DYM: variants seen among roughly 807,000 people sequenced by gnomAD.
DYM encodes dyggve-Melchior-Clausen syndrome protein.
Under a neutral mutation model 93.1 loss-of-function variants are expected in DYM, and 78 were observed. The ratio of observed to expected loss-of-function variants is 0.84; its 90% CI spans 0.70 to 1.01. The LOEUF is 1.01. Among genes scored for constraint, DYM ranks in the 50% least tolerant of loss-of-function variants. DYM has a pLI of 0.00. For synonymous variants in DYM, 321 were observed against 319.7 expected (o/e 1.00, Z -0.04); for missense variants, 789 against 845.0 (o/e 0.93, Z 0.82).
At position 49,285,846 on chromosome 18, in the gene DYM, C is replaced by T. The variant is rs1290472492; in HGVS notation, c.946+588G>A. Among the ~76,000 whole-genome samples the T allele has an allele frequency of 2.0e-5, 3 of 152,162 alleles. No individual in the cohort carries two copies. The East Asian group carries it at 5.8e-4, about 29-fold the overall frequency. ...CCTTCTACTTTAGGAGTTATTAATACCAAGTTACACAGCTCATGGGCAGCC... is the reference window on the plus strand; with the variant it reads ...CCTTCTACTTTAGGAGTTATTAATATCAAGTTACACAGCTCATGGGCAGCC... On this transcript the variant is annotated intron_variant, in intron 9 of 17. Coordinates refer to ENST00000675505, the MANE Select transcript of DYM (RefSeq NM_001353214.3).
At chr18:49,388,456 A>T (rs991388280) in intron 3 of DYM, among the ~76,000 whole-genome samples, 4 of 152,118 alleles carry the variant, frequency 2.6e-5, no homozygotes, top group Non-Finnish European at 5.9e-5. Context: ...TAACAAGTAT[A>T]TGGGACACAA....
chr18:49,217,683 C>A (rs542487608), intron 13 of DYM, among the ~76,000 whole-genome samples: 277 of 152,208 alleles, frequency 1.8e-3, no homozygotes, highest in African/African-American at 6.4e-3. Context: ...GAAATAAAAT[C>A]CTTTACAGAC....
chr18:49,100,048 C>T (rs926416867), intron 16 of DYM, among the ~76,000 whole-genome samples: 7 of 152,106 alleles, frequency 4.6e-5, no homozygotes, highest in African/African-American at 1.7e-4. Flanking sequence ...AACAGGTGAG[C>T]GCATGTATGC....
intron 6 of DYM, among the ~76,000 whole-genome samples, chr18:49,335,994 T>G (rs1421211720): frequency 6.6e-6 from 1 of 152,048 alleles, no homozygotes; most frequent in Non-Finnish European, 1.5e-5. Context: ...TTGTCTTTTT[T>G]ACAAAGAGGG....
At chr18:49,420,371 G>A (rs186167164) in intron 2 of DYM, among the ~76,000 whole-genome samples, 195 of 151,966 alleles carry the variant, frequency 1.3e-3, no homozygotes, top group Admixed American at 2.4e-3. Flanking sequence ...GTTTCACCAC[G>A]TTGACCAGGC....
intron 14 of DYM, among the ~76,000 whole-genome samples, chr18:49,175,435 A>T (rs1456464654): frequency 6.6e-6 from 1 of 152,216 alleles, no homozygotes; most frequent in Non-Finnish European, 1.5e-5. Context: ...TACTAAGAAC[A>T]CTGACATTTA....
chr18:49,167,897 G>C (rs1447035738), intron 14 of DYM, among the ~76,000 whole-genome samples: 1 of 151,960 alleles, frequency 6.6e-6, no homozygotes, highest in Non-Finnish European at 1.5e-5. Flanking sequence ...CACTAATCAA[G>C]AACAGAATGG....
rs1015554392 is a variant in DYM, at chr18:49,042,998, A to G, written c.*1057T>C. The G allele has an allele frequency of 2.6e-5, 4 of 152,252 alleles. No individual in the cohort carries two copies. The highest frequency in any genetic ancestry group is 4.8e-5 in the African/African-American group (2 of 41,470). The allele number at this position is 152,252 out of a possible 1,614,324, so 9.4% of individuals were successfully genotyped here. On this transcript the variant is annotated 3_prime_UTR_variant, in exon 18 of 18. Transcript: ENST00000675505. ...TCAAATGAAGCTTTTCTTTTTCCCA[A>G]TGATTAATACAGAGTAGATTAACTT...
chr18:49,231,681 A>G (rs2093699415), intron 13 of DYM, among the ~76,000 whole-genome samples: 1 of 152,204 alleles, frequency 6.6e-6, no homozygotes, highest in African/African-American at 2.4e-5. Flanking sequence ...AATAAAGTGG[A>G]GTGGATCTAC....
At position 49,454,997 on chromosome 18, in the gene DYM, C is replaced by T. The variant is rs1220306382; in HGVS notation, c.-54+5401G>A. Among the ~76,000 whole-genome samples the T allele has an allele frequency of 2.0e-5, 3 of 151,774 alleles. No homozygotes were observed. In the East Asian group the frequency reaches 5.8e-4, roughly 29 times the overall value. ...TCTCTCTCTCTCAAGGAGCTGCTCT[C>T]CTCTCTCCTTTCTTCTATTAGACTT... On this transcript the variant is annotated intron_variant, in intron 1 of 17. Coordinates refer to ENST00000675505, the MANE Select transcript of DYM (RefSeq NM_001353214.3).
At position 49,370,131 on chromosome 18, in the gene DYM, A is replaced by T. The variant is rs552644491; in HGVS notation, c.422-6898T>A. The stretch of plus-strand genomic sequence containing the variant: ...CGTCTCTACTAAAAATACAAAAATC[A>T]GCTGGGCATGGTGGCCCACGCCTGT... On this transcript the variant is annotated intron_variant, in intron 5 of 17. Transcript: ENST00000675505. 1.1e-4 allele frequency among the ~76,000 whole-genome samples: 16 copies of T among 152,152 alleles called. No individual in the cohort carries two copies. The South Asian group carries it at 3.3e-3, about 32-fold the overall frequency.
intron 16 of DYM, among the ~76,000 whole-genome samples, chr18:49,113,388 A>G (rs1599845420): frequency 6.6e-6 from 1 of 152,346 alleles, no homozygotes; most frequent in East Asian, 1.9e-4. Flanking sequence ...CAGCCTGATC[A>G]TATCACCTTA....
At chr18:49,424,896 A>T (rs1427933098) in intron 2 of DYM, among the ~76,000 whole-genome samples, 1 of 152,184 alleles carries the variant, frequency 6.6e-6, no homozygotes, top group Admixed American at 6.6e-5. Context: ...ATAAAAGAGG[A>T]CACAAACAAA....
At chr18:49,351,090 A>T (rs1396780835) in intron 6 of DYM, among the ~76,000 whole-genome samples, 3 of 152,176 alleles carry the variant, frequency 2.0e-5, no homozygotes, top group Non-Finnish European at 4.4e-5. Flanking sequence ...TACAAAGTCC[A>T]GTATCTGACT....
chr18:49,066,539 G>A (rs2076400374), intron 17 of DYM, among the ~76,000 whole-genome samples: 1 of 152,064 alleles, frequency 6.6e-6, no homozygotes, highest in African/African-American at 2.4e-5. Flanking sequence ...TTGTTTCCAG[G>A]GTTGGACTGT....
Position 49,394,499 on chromosome 18 carries a change from C to T in DYM, c.141-2854G>A, listed in dbSNP as rs550487426. 3.9e-5 allele frequency among the ~76,000 whole-genome samples: 6 copies of T among 152,114 alleles called. No individual in the cohort carries two copies. The East Asian group carries it at 1.2e-3, about 29-fold the overall frequency. On this transcript the variant is annotated intron_variant, in intron 2 of 17. Coordinates refer to ENST00000675505, the MANE Select transcript of DYM (RefSeq NM_001353214.3). ...GATTTGCTCTTTTTGCTCAAGATTG[C>T]TTTGGCTATTCTGGGTCTTCTGTGT...
intron 8 of DYM, among the ~76,000 whole-genome samples, chr18:49,300,052 A>G (rs2060810220): frequency 6.9e-6 from 1 of 145,780 alleles, no homozygotes. Context: ...GAGAAAAAAA[A>G]AAAAAGCTAT....
Position 49,376,030 on chromosome 18 carries a change from C to T in DYM, c.421+2537G>A, listed in dbSNP as rs2067478148. ...ACAGACTGAAGGCTGCACTGTCAGC[C>T]CTACTTTTGAGGTTTTGGGACTCAA... On this transcript the variant is annotated intron_variant, in intron 5 of 17. Coordinates refer to ENST00000675505, the MANE Select transcript of DYM (RefSeq NM_001353214.3). Among the ~76,000 whole-genome samples, 5 of 152,082 alleles carry T rather than the reference C, an allele frequency of 3.3e-5. No individual in the cohort carries two copies. In the South Asian group the frequency reaches 1.0e-3, roughly 32 times the overall value.
Position 49,085,606 on chromosome 18 carries a change from C to CTTT in DYM, c.2025+11793_2025+11795dup, listed in dbSNP as rs11437833. On this transcript the variant is annotated intron_variant, in intron 17 of 17. Coordinates refer to ENST00000675505, the MANE Select transcript of DYM (RefSeq NM_001353214.3). ...GGCAGATGAATAAGGACAACTGGTC[C>CTTT]TTTTTTTTTTTTTTTTTTTTTGATG... Among the ~76,000 whole-genome samples the CTTT allele has an allele frequency of 5.1e-3, 520 of 102,142 alleles. 17 individuals are homozygous for CTTT. The highest frequency in any genetic ancestry group is 0.021 in the East Asian group (85 of 3,996). The allele number at this position is 102,142 out of a possible 152,430, so 67.0% of individuals were successfully genotyped here.
Sources: gnomAD v4.1 joint callset for allele counts (sites outside exome capture counted in the v4.1 genomes callset) on GRCh38, gnomAD v4.1.1 for gene constraint, MANE v1.5 for transcripts, NCBI Gene and HGNC (gene_info 2026-07-23, HGNC 2026-07-21) for gene names.